Variants in MOB1B observed in about 807,000 individuals in gnomAD.
The protein encoded by MOB1B is MOB1 Mps One Binder homolog B.
A neutral mutation model predicts 24.4 loss-of-function variants in MOB1B; 19 were observed. The ratio of observed to expected loss-of-function variants is 0.78; its 90% CI spans 0.54 to 1.14. The LOEUF (loss-of-function observed/expected upper bound fraction) is 1.14. Ranked by LOEUF, MOB1B falls within the 50% of genes most tolerant of loss-of-function variation. MOB1B has a pLI of 0.00. For missense variants in MOB1B, 243 were observed against 259.6 expected (o/e 0.94, Z 0.44); for synonymous variants, 76 against 82.1 (o/e 0.93, Z 0.40).
At chr4:70,915,937 T>C (rs1178803069) in intron 1 of MOB1B, among the ~76,000 whole-genome samples, 1 of 152,034 alleles carries the variant, frequency 6.6e-6, no homozygotes, top group Non-Finnish European at 1.5e-5. Context: ...CGAGAGGAAA[T>C]GAATTGGATT....
At chr4:70,959,096 T>C in intron 2 of MOB1B, 56 bp downstream of exon 2, 2 of 1,388,818 alleles carry the variant, frequency 1.4e-6, no homozygotes, top group Non-Finnish European at 2.0e-6. Flanking sequence ...AGCCTCATTG[T>C]TGGTGAGTGT....
chr4:70,964,131 C>T (rs928072147), intron 2 of MOB1B, among the ~76,000 whole-genome samples: 4 of 152,028 alleles, frequency 2.6e-5, no homozygotes, highest in Non-Finnish European at 5.9e-5. Flanking sequence ...TAATATTAGT[C>T]GACTGAACTA....
At chr4:70,919,728 A>T (rs1736347616) in intron 1 of MOB1B, among the ~76,000 whole-genome samples, 4 of 152,162 alleles carry the variant, frequency 2.6e-5, no homozygotes, top group Admixed American at 2.6e-4. Flanking sequence ...GGAACTCCTG[A>T]CCTCAGGTGA....
rs368454603 is a variant in MOB1B at position 70,971,040 on chromosome 4, G to A, written c.275+1016G>A. On this transcript the variant is annotated intron_variant, in intron 3 of 5. Transcript: ENST00000309395. ...AGAAGTATGTTTGTGGTTTTTACCC[G>A]TCACGGGACTGTTTACTTTGGAGAA... is the stretch of plus-strand genomic sequence containing the variant. Among the ~76,000 whole-genome samples, 58 of 152,276 alleles carry A rather than the reference G, an allele frequency of 3.8e-4. 1 individual carries two copies. The South Asian group carries it at 6.4e-3, about 17-fold the overall frequency.
intron 1 of MOB1B, among the ~76,000 whole-genome samples, chr4:70,914,866 G>T (rs544151856): frequency 7.2e-5 from 11 of 152,272 alleles, no homozygotes; most frequent in South Asian, 6.2e-4. Context: ...TCTCCTTGGG[G>T]CTGTGTGGGC....
intron 1 of MOB1B, among the ~76,000 whole-genome samples, chr4:70,937,798 T>C (rs1379104946): frequency 6.6e-6 from 1 of 152,206 alleles, no homozygotes; most frequent in African/African-American, 2.4e-5. Context: ...GGTGCTGAGA[T>C]TACAGGCGTG....
rs1739321886 is a variant in MOB1B, at chr4:70,984,577, C to CGT, written c.*2520_*2521insGT. ...ATATTAATACGTAGCTATAAAGCAA[C>CGT]AGTTGGTTTTCTTATCCTTTGATAA... On this transcript the variant is annotated 3_prime_UTR_variant, in exon 6 of 6. Coordinates refer to ENST00000309395, the MANE Select transcript of MOB1B (RefSeq NM_173468.4). 2.0e-5 allele frequency: 3 copies of CGT among 152,116 alleles called. No individual in the cohort carries two copies. Among genetic ancestry groups the CGT allele is most frequent in the Non-Finnish European group, 2.9e-5 (2 of 68,008 alleles). The allele number at this position is 152,116 out of a possible 1,614,324, so 9.4% of individuals were successfully genotyped here. A position where few individuals can be genotyped will look rare whatever the true frequency, so the allele number is the denominator to read the frequency against.
At chr4:70,952,671 C>CAAAAAA (rs1241028649) in intron 1 of MOB1B, among the ~76,000 whole-genome samples, 2 of 137,846 alleles carry the variant, frequency 1.5e-5, no homozygotes, top group Non-Finnish European at 3.2e-5. Context: ...AAAACAAAAA[C>CAAAAAA]AAAAAAAAAA....
intron 1 of MOB1B, among the ~76,000 whole-genome samples, chr4:70,924,546 A>G (rs1299055319): frequency 6.6e-6 from 1 of 152,178 alleles, no homozygotes. Flanking sequence ...GTTTTGATAC[A>G]TAGGTATACA....
chr4:70,979,080 T>G, intron 4 of MOB1B, 48 bp from the exon 5 acceptor site: 1 of 1,486,344 alleles, frequency 6.7e-7, no homozygotes, highest in Non-Finnish European at 9.3e-7. Context: ...ACTCATTGTC[T>G]TGTTGTCATC....
intron 2 of MOB1B, among the ~76,000 whole-genome samples, chr4:70,961,708 T>G (rs1388595790): frequency 6.6e-6 from 1 of 152,218 alleles, no homozygotes; most frequent in African/African-American, 2.4e-5. Flanking sequence ...ATTTAAAATT[T>G]TCCTTATTTA....
chr4:70,953,318 G>A (rs1455286836), intron 1 of MOB1B, among the ~76,000 whole-genome samples: 4 of 152,190 alleles, frequency 2.6e-5, no homozygotes, highest in Non-Finnish European at 5.9e-5. Context: ...TCTGGTAGGA[G>A]AAGATTCAGG....
intron 1 of MOB1B, among the ~76,000 whole-genome samples, chr4:70,949,581 T>G (rs566084044): frequency 5.5e-4 from 83 of 152,208 alleles, no homozygotes; most frequent in African/African-American, 1.9e-3. Context: ...TCATATAAAT[T>G]AGAGATGGTA....
rs541074227 is a variant in MOB1B at position 70,980,207 on chromosome 4, T to C, written c.573+916T>C. On this transcript the variant is annotated intron_variant, in intron 5 of 5. Coordinates refer to ENST00000309395, the MANE Select transcript of MOB1B (RefSeq NM_173468.4). Reference sequence around the variant, plus strand: ...ACATTTTACCTATATAAACATACTTTAGGAGATTGTAACTTGCCAAAACTG... The same window carrying C: ...ACATTTTACCTATATAAACATACTTCAGGAGATTGTAACTTGCCAAAACTG... Among the ~76,000 whole-genome samples the C allele has an allele frequency of 7.0e-4, 106 of 152,308 alleles. 1 individual carries two copies. Among genetic ancestry groups the C allele is most frequent in the African/African-American group, 2.3e-3 (95 of 41,568 alleles).
intron 1 of MOB1B, among the ~76,000 whole-genome samples, chr4:70,955,883 A>C (rs779488136): frequency 2.0e-5 from 3 of 151,966 alleles, no homozygotes; most frequent in Non-Finnish European, 2.9e-5. Flanking sequence ...ATATTTATAT[A>C]AATAAATTTT....
At chr4:70,943,701 A>G (rs1481056500) in intron 1 of MOB1B, among the ~76,000 whole-genome samples, 1 of 152,168 alleles carries the variant, frequency 6.6e-6, no homozygotes, top group Non-Finnish European at 1.5e-5. Context: ...TAGCTTGGTA[A>G]ATATAGTAGT....
intron 1 of MOB1B, among the ~76,000 whole-genome samples, chr4:70,954,213 A>G (rs1251941698): frequency 1.3e-5 from 2 of 152,174 alleles, no homozygotes; most frequent in Non-Finnish European, 2.9e-5. Flanking sequence ...ATTTCTTTCT[A>G]TGAGTCATTG....
intron 1 of MOB1B, among the ~76,000 whole-genome samples, chr4:70,955,601 G>T (rs1738013002): frequency 6.6e-6 from 1 of 150,812 alleles, no homozygotes; most frequent in Non-Finnish European, 1.5e-5. Context: ...CTCCAGAGTA[G>T]CTGGGATTAT....
Position 70,948,684 on chromosome 4 carries a change from T to C in MOB1B, c.15-10190T>C, listed in dbSNP as rs1225214181. The stretch of plus-strand genomic sequence containing the variant: ...CATGGTGTTGGTTTTCCTGGAATAT[T>C]TAGTGATTTGGGATTGTCTGCTCAA... On this transcript the variant is annotated intron_variant, in intron 1 of 5. Coordinates refer to ENST00000309395, the MANE Select transcript of MOB1B (RefSeq NM_173468.4). 2.6e-5 allele frequency among the ~76,000 whole-genome samples: 4 copies of C among 152,330 alleles called. No individual in the cohort carries two copies. In the East Asian group the frequency reaches 7.7e-4, roughly 29 times the overall value.
Sources: gnomAD v4.1 joint callset for allele counts (sites outside exome capture counted in the v4.1 genomes callset) on GRCh38, gnomAD v4.1.1 for gene constraint, MANE v1.5 for transcripts, NCBI Gene and HGNC (gene_info 2026-07-23, HGNC 2026-07-21) for gene names.